The following DYDC1 variants were observed in gnomAD, a reference collection of about 807,000 sequenced individuals.
The protein encoded by DYDC1 is DPY30 domain-containing protein 1.
A neutral mutation model predicts 27.9 loss-of-function variants in DYDC1; 21 were observed. The observed-to-expected ratio is 0.75, with a 90% confidence interval of 0.53 to 1.08. The LOEUF (loss-of-function observed/expected upper bound fraction) is 1.08. DYDC1 is among the 50% of genes least tolerant of loss of function. The probability of loss-of-function intolerance (pLI) is 0.00; values close to 1 mark genes in which losing one functional copy is unlikely to be tolerated. For synonymous variants in DYDC1, 67 were observed against 65.8 expected, an observed-to-expected ratio of 1.02 and a Z score of -0.09; for missense variants, 202 against 205.9, an observed-to-expected ratio of 0.98 and a Z score of 0.12.
At chr10:80,352,388 T>C (rs930754351) in intron 2 of DYDC1, 67 bp downstream of exon 2, 244 of 1,441,926 alleles carry the variant, frequency 1.7e-4, no homozygotes, top group Non-Finnish European at 2.1e-4. Context: ...TGTTAAACTT[T>C]TTTAAAAGCA....
intron 3 of DYDC1, among the ~76,000 whole-genome samples, chr10:80,351,564 T>C (rs1032739751): frequency 3.3e-5 from 5 of 151,832 alleles, no homozygotes; most frequent in Non-Finnish European, 7.4e-5. Context: ...CAGCAATAGA[T>C]ATGGTTGACC....
At chr10:80,353,294 C>T (rs1433755283) in intron 1 of DYDC1, among the ~76,000 whole-genome samples, 5 of 151,918 alleles carry the variant, frequency 3.3e-5, no homozygotes, top group African/African-American at 1.2e-4. Context: ...CCCAGCACAC[C>T]CTGGGCTCTA....
intron 3 of DYDC1, among the ~76,000 whole-genome samples, chr10:80,350,132 C>T (rs958956083): frequency 2.6e-5 from 4 of 152,182 alleles, no homozygotes; most frequent in South Asian, 4.1e-4. Flanking sequence ...CAATCCACTC[C>T]GCTAACTGGC....
chr10:80,343,961 C>T (rs1445171982), intron 3 of DYDC1, among the ~76,000 whole-genome samples: 1 of 151,856 alleles, frequency 6.6e-6, no homozygotes, highest in Non-Finnish European at 1.5e-5. Flanking sequence ...ACTAAAAATA[C>T]CAAAAAAAAT....
intron 1 of DYDC1, chr10:80,356,343 G>T: frequency 1.0e-6 from 1 of 985,912 alleles, no homozygotes; most frequent in Non-Finnish European, 1.2e-6. Flanking sequence ...GATGGAAGGA[G>T]ATTCCTTACC....
chr10:80,338,192 A>T, intron 6 of DYDC1: 1 of 985,400 alleles, frequency 1.0e-6, no homozygotes, highest in Non-Finnish European at 1.2e-6. Flanking sequence ...TAAAGATTAT[A>T]TATTTCACAA....
chr10:80,354,218 G>A (rs1440546477), intron 1 of DYDC1: 2 of 151,352 alleles, frequency 1.3e-5, no homozygotes, highest in Admixed American at 1.3e-4. Flanking sequence ...CGGGCACAGT[G>A]GCTCACACCT....
At chr10:80,344,712 G>A (rs746399241) in intron 3 of DYDC1, 13 of 295,170 alleles carry the variant, frequency 4.4e-5, no homozygotes, top group Non-Finnish European at 7.3e-5. Context: ...GTTTATCAGG[G>A]GTTTCCACTT....
At chr10:80,341,379 G>A (rs796646261) in intron 4 of DYDC1, among the ~76,000 whole-genome samples, 57 of 142,662 alleles carry the variant, frequency 4.0e-4, no homozygotes, top group African/African-American at 1.5e-3. Flanking sequence ...GGAGGTGGAG[G>A]TTGCAGTGAG....
At chr10:80,342,224 T>A (rs760362282) in intron 4 of DYDC1, 45 bp downstream of exon 4, 1 of 1,575,850 alleles carries the variant, frequency 6.3e-7, no homozygotes, top group Non-Finnish European at 8.7e-7. Flanking sequence ...TTGAAGATTC[T>A]AGAGAGTTTT....
intron 5 of DYDC1, 145 bp from the exon 6 acceptor site, chr10:80,338,716 G>C (rs1369850988): frequency 2.4e-6 from 2 of 848,224 alleles, no homozygotes; most frequent in Non-Finnish European, 3.3e-6. Context: ...TTCTGTTAAT[G>C]ACAAGAGAAT....
At chr10:80,340,914 G>A (rs977856388) in intron 4 of DYDC1, among the ~76,000 whole-genome samples, 7 of 152,086 alleles carry the variant, frequency 4.6e-5, no homozygotes, top group African/African-American at 1.4e-4. Flanking sequence ...GACTAAGACC[G>A]CATCAGCATC....
At chr10:80,354,823 C>T (rs901234113) in intron 1 of DYDC1, among the ~76,000 whole-genome samples, 1 of 152,158 alleles carries the variant, frequency 6.6e-6, no homozygotes, top group African/African-American at 2.4e-5. Context: ...TTTTAGACTT[C>T]CCAGCCTCCA....
chr10:80,342,170 C>T, intron 4 of DYDC1, 99 bp downstream of exon 4: 1 of 1,187,334 alleles, frequency 8.4e-7, no homozygotes. Context: ...TGTCTTCAGA[C>T]TACAAATCCC....
At chr10:80,350,945 C>G (rs1262732679) in intron 3 of DYDC1, among the ~76,000 whole-genome samples, 1 of 152,194 alleles carries the variant, frequency 6.6e-6, no homozygotes, top group African/African-American at 2.4e-5. Context: ...AAAGGTCTGC[C>G]TGCTCCACTT....
At chr10:80,344,736 AT>A in intron 3 of DYDC1, 2 of 308,738 alleles carry the variant, frequency 6.5e-6, no homozygotes, top group South Asian at 3.1e-5. Context: ...CTTCTTCCTC[AT>A]TTTCTCTTGC....
chr10:80,343,406 C>CA (rs1477945902), intron 3 of DYDC1, among the ~76,000 whole-genome samples: 4 of 152,174 alleles, frequency 2.6e-5, no homozygotes, highest in Non-Finnish European at 4.4e-5. Context: ...GCAGTAACAT[C>CA]ATTGTAACAG....
chr10:80,336,379 T>C (rs146895552), intron 6 of DYDC1, 194 bp from the exon 7 acceptor site: 2 of 974,164 alleles, frequency 2.1e-6, no homozygotes, highest in East Asian at 1.1e-4. Flanking sequence ...TATTGTTCCA[T>C]CCTTTCTTCT....
At chr10:80,352,366 G>C in intron 2 of DYDC1, 89 bp downstream of exon 2, 1 of 1,366,412 alleles carries the variant, frequency 7.3e-7, no homozygotes, top group African/African-American at 1.5e-5. Context: ...TTTTATAACA[G>C]AAAAATAATA....
Sources: gnomAD v4.1 joint callset for allele counts (sites outside exome capture counted in the v4.1 genomes callset) on GRCh38, gnomAD v4.1.1 for gene constraint, MANE v1.5 for transcripts, NCBI Gene and HGNC (gene_info 2026-07-23, HGNC 2026-07-21) for gene names.